DIAPH3: variants seen among roughly 807,000 people sequenced by gnomAD.
The protein encoded by DIAPH3 is protein diaphanous homolog 3.
In DIAPH3, 117 loss-of-function variants were observed where a neutral mutation model predicts 144.3. That is an observed-to-expected ratio of 0.81 (90% confidence interval 0.70 to 0.95). DIAPH3 has a LOEUF of 0.95. Among genes scored for constraint, DIAPH3 ranks in the 40% least tolerant of loss-of-function variants. The pLI is 0.00. For missense variants in DIAPH3, 1,421 were observed against 1,412.7 expected, an observed-to-expected ratio of 1.01 and a Z score of -0.09; for synonymous variants, 519 against 488.9, an observed-to-expected ratio of 1.06 and a Z score of -0.81.
intron 9 of DIAPH3, among the ~76,000 whole-genome samples, chr13:59,993,876 G>T (rs1325779269): frequency 6.6e-6 from 1 of 151,676 alleles, no homozygotes; most frequent in Non-Finnish European, 1.5e-5. Flanking sequence ...AATTTTTAAA[G>T]ATCTCAAAGA....
chr13:59,970,062 C>T lies in DIAPH3; in HGVS notation c.1960-4G>A, dbSNP rs2050269464. 2 of 1,532,506 alleles carry T rather than the reference C, an allele frequency of 1.3e-6. No individual in the cohort carries two copies. The highest frequency in any genetic ancestry group is 1.1e-5 in the South Asian group (1 of 87,004). The allele number at this position is 1,532,506 out of a possible 1,614,324, so 94.9% of individuals were successfully genotyped here. ...CAGTCATTTCATGAGGTCTGATCTA[C>T]AATCAGAGAGAAGACTGATTCATCA... On this transcript the variant is annotated splice_polypyrimidine_tract_variant and splice_region_variant and intron_variant, in intron 16 of 27. Transcript: ENST00000400324.
chr13:59,927,545 A>G (rs1364653196), intron 17 of DIAPH3, among the ~76,000 whole-genome samples: 1 of 152,046 alleles, frequency 6.6e-6, no homozygotes, highest in African/African-American at 2.4e-5. Context: ...TTGCTTCCAG[A>G]TATATGACTC....
chr13:59,824,667 A>C (rs927797154), intron 24 of DIAPH3, among the ~76,000 whole-genome samples: 10 of 152,164 alleles, frequency 6.6e-5, no homozygotes, highest in African/African-American at 2.4e-4. Context: ...ATGAACTAGA[A>C]AATAATAACT....
At chr13:59,669,175 A>G (rs1227341737) in intron 27 of DIAPH3, among the ~76,000 whole-genome samples, 1 of 152,196 alleles carries the variant, frequency 6.6e-6, no homozygotes, top group Non-Finnish European at 1.5e-5. Flanking sequence ...TTCTCGCAAC[A>G]GCTTTGTAAA....
At chr13:60,061,701 T>C (rs2056781841) in intron 4 of DIAPH3, among the ~76,000 whole-genome samples, 1 of 151,900 alleles carries the variant, frequency 6.6e-6, no homozygotes, top group African/African-American at 2.4e-5. Context: ...GAGAATTGTT[T>C]TTCCTCTTAA....
chr13:59,774,314 AT>A, intron 26 of DIAPH3, 66 bp from the exon 27 acceptor site: 1 of 1,337,662 alleles, frequency 7.5e-7, no homozygotes, highest in Non-Finnish European at 1.0e-6. Flanking sequence ...GGAAAACAGT[AT>A]TAGACATACT....
chr13:60,017,404 C>CA (rs748877735), intron 5 of DIAPH3, among the ~76,000 whole-genome samples: 9,998 of 73,588 alleles, frequency 0.14, 378 homozygotes, highest in Admixed American at 0.19. Context: ...AACTCCATCA[C>CA]AAAAAAAAAA....
chr13:59,872,813 CTGGGTGTT>C (rs2044359778), intron 21 of DIAPH3, among the ~76,000 whole-genome samples: 1 of 152,114 alleles, frequency 6.6e-6, no homozygotes, highest in Admixed American at 6.5e-5. Context: ...GATTCAGAGG[CTGGGTGTT>C]TGGGGGAAAG....
At chr13:60,139,291 T>C (rs546915138) in intron 1 of DIAPH3, among the ~76,000 whole-genome samples, 2 of 152,302 alleles carry the variant, frequency 1.3e-5, no homozygotes, top group African/African-American at 4.8e-5. Context: ...TAAGTTGACA[T>C]GTTTTTTCAG....
chr13:59,990,918 T>A (rs1401377154), intron 12 of DIAPH3, among the ~76,000 whole-genome samples: 1 of 151,982 alleles, frequency 6.6e-6, no homozygotes, highest in African/African-American at 2.4e-5. Flanking sequence ...GTTGCTAGTT[T>A]GCATTTTTAT....
At chr13:60,033,916 T>G (rs2054995478) in intron 5 of DIAPH3, among the ~76,000 whole-genome samples, 1 of 152,190 alleles carries the variant, frequency 6.6e-6, no homozygotes, top group Non-Finnish European at 1.5e-5. Context: ...AAATTAAAAC[T>G]TCTTCTATTG....
chr13:60,160,603 G>T (rs934929935), intron 1 of DIAPH3, among the ~76,000 whole-genome samples: 5 of 152,198 alleles, frequency 3.3e-5, no homozygotes, highest in African/African-American at 1.2e-4. Flanking sequence ...TCCAGGTATT[G>T]AGTGTGGCCT....
intron 7 of DIAPH3, among the ~76,000 whole-genome samples, chr13:60,011,262 G>A (rs1365165888): frequency 9.9e-5 from 15 of 152,118 alleles, no homozygotes; most frequent in Admixed American, 9.2e-4. Context: ...GTGGGAAGCA[G>A]TCAGAAACAT....
At chr13:59,972,872 G>A (rs2050469161) in intron 15 of DIAPH3, among the ~76,000 whole-genome samples, 2 of 140,440 alleles carry the variant, frequency 1.4e-5, no homozygotes, top group Admixed American at 7.8e-5. Context: ...GGGAGCAAAG[G>A]AATTAAATCA....
intron 27 of DIAPH3, among the ~76,000 whole-genome samples, chr13:59,763,852 A>T (rs2037738381): frequency 6.6e-6 from 1 of 152,088 alleles, no homozygotes; most frequent in South Asian, 2.1e-4. Flanking sequence ...CTGTGGCCCA[A>T]ATCAATATTT....
chr13:59,714,346 C>G (rs377707991), intron 27 of DIAPH3, among the ~76,000 whole-genome samples: 2 of 112,848 alleles, frequency 1.8e-5, no homozygotes, highest in East Asian at 4.9e-4. Context: ...GGCGACAGAG[C>G]GAGACTCCGT....
chr13:60,138,909 T>A (rs577749232), intron 1 of DIAPH3, among the ~76,000 whole-genome samples: 23 of 152,180 alleles, frequency 1.5e-4, no homozygotes, highest in African/African-American at 5.5e-4. Flanking sequence ...CTATGGCTGA[T>A]AATAGGTTGA....
At chr13:59,888,483 A>T (rs1018329361) in intron 20 of DIAPH3, among the ~76,000 whole-genome samples, 8 of 152,126 alleles carry the variant, frequency 5.3e-5, no homozygotes, top group African/African-American at 1.7e-4. Context: ...GTGTTAGTCA[A>T]GCAATTTTTA....
At chr13:60,030,951 T>G (rs1795197832) in intron 5 of DIAPH3, among the ~76,000 whole-genome samples, 1 of 152,236 alleles carries the variant, frequency 6.6e-6, no homozygotes, top group Non-Finnish European at 1.5e-5. Flanking sequence ...GCAGAGGGAC[T>G]GCAGGTGATA....
Sources: allele counts gnomAD v4.1 joint callset (sites outside exome capture counted in the v4.1 genomes callset), GRCh38; gene constraint gnomAD v4.1.1; transcripts MANE v1.5; gene names NCBI Gene and HGNC (gene_info 2026-07-23, HGNC 2026-07-21).